AFG1L: variants seen among roughly 807,000 people sequenced by gnomAD.
AFG1L encodes AFG1-like ATPase.
Under a neutral mutation model 62.2 loss-of-function variants are expected in AFG1L, and 53 were observed. The ratio of observed to expected loss-of-function variants is 0.85; its 90% CI spans 0.68 to 1.07. AFG1L has a LOEUF of 1.07. AFG1L is among the 50% of genes least tolerant of loss of function. The pLI is 0.00. For missense variants in AFG1L, 555 were observed against 590.5 expected (o/e 0.94, Z 0.62); for synonymous variants, 228 against 210.3 (o/e 1.08, Z -0.73).
At chr6:108,388,498 TC>T (rs1780875246) in intron 6 of AFG1L, among the ~76,000 whole-genome samples, 1 of 152,232 alleles carries the variant, frequency 6.6e-6, no homozygotes, top group Non-Finnish European at 1.5e-5. Context: ...TTTCCTGCTT[TC>T]TCCTGTGGGC....
At chr6:108,442,112 C>T (rs1771578272) in intron 7 of AFG1L, among the ~76,000 whole-genome samples, 1 of 151,648 alleles carries the variant, frequency 6.6e-6, no homozygotes, top group African/African-American at 2.4e-5. Context: ...TTGACCATTG[C>T]TTACCATAGT....
At chr6:108,344,849 A>G (rs1778807255) in intron 2 of AFG1L, 3 of 469,990 alleles carry the variant, frequency 6.4e-6, no homozygotes, top group East Asian at 7.0e-5. Context: ...ATTTGGGTTG[A>G]TAATAGCATT....
chr6:108,379,000 CTTTTTTTTT>C (rs931030207), intron 6 of AFG1L, among the ~76,000 whole-genome samples: 5 of 123,066 alleles, frequency 4.1e-5, no homozygotes, highest in Non-Finnish European at 3.3e-5. Context: ...TCTCCTTCTT[CTTTTTTTTT>C]TTTTTTTTTT....
chr6:108,397,569 T>C (rs1162767675), intron 6 of AFG1L, among the ~76,000 whole-genome samples: 1 of 152,214 alleles, frequency 6.6e-6, no homozygotes, highest in South Asian at 2.1e-4. Context: ...TTTTATTCTT[T>C]CTATTTTTTT....
intron 1 of AFG1L, among the ~76,000 whole-genome samples, chr6:108,312,852 G>A (rs1442993698): frequency 1.3e-5 from 2 of 151,868 alleles, no homozygotes; most frequent in Admixed American, 1.3e-4. Context: ...GTTCACTGTG[G>A]CCTTGAACTC....
Position 108,464,845 on chromosome 6 carries a change from C to A in AFG1L, c.891-12020C>A, listed in dbSNP as rs768445716. Among the ~76,000 whole-genome samples the A allele has an allele frequency of 2.0e-5, 3 of 152,058 alleles. No individual in the cohort carries two copies. In the South Asian group the frequency reaches 6.2e-4, roughly 31 times the overall value. On this transcript the variant is annotated intron_variant, in intron 8 of 12. Coordinates refer to ENST00000368977, the MANE Select transcript of AFG1L (RefSeq NM_145315.5). ...TCTTCATCAGATATGACTTCAGTTTCTTTACTGTGATCAACGTTTGATTAT... is the reference window on the plus strand; with the variant it reads ...TCTTCATCAGATATGACTTCAGTTTATTTACTGTGATCAACGTTTGATTAT...
In AFG1L at chr6:108,355,774, G is replaced by C; in HGVS notation, c.517+19G>C. On this transcript the variant is annotated intron_variant, in intron 4 of 12. Coordinates refer to ENST00000368977, the MANE Select transcript of AFG1L (RefSeq NM_145315.5). ...CACAAAAGTAAGCAATGATCTGAAA[G>C]AAGTGATTTTTTCAGTGGGGAAACG... The C allele has an allele frequency of 6.5e-7, 1 of 1,533,756 alleles. No homozygotes were observed. The highest frequency in any genetic ancestry group is 9.0e-7 in the Non-Finnish European group (1 of 1,116,388).
intron 10 of AFG1L, among the ~76,000 whole-genome samples, chr6:108,509,366 G>T (rs1774543901): frequency 6.6e-6 from 1 of 152,154 alleles, no homozygotes; most frequent in Non-Finnish European, 1.5e-5. Flanking sequence ...TCCTACAGAG[G>T]TTAGCAGTGT....
At chr6:108,323,196 T>C (rs1777882604) in intron 1 of AFG1L, among the ~76,000 whole-genome samples, 1 of 152,158 alleles carries the variant, frequency 6.6e-6, no homozygotes, top group Non-Finnish European at 1.5e-5. Context: ...GCAACTCTCT[T>C]GCTTTGGGAA....
intron 7 of AFG1L, among the ~76,000 whole-genome samples, chr6:108,422,483 A>AAAAAAAAAAAAAAAAAG: frequency 1.4e-5 from 2 of 145,466 alleles, no homozygotes; most frequent in Admixed American, 6.8e-5. Flanking sequence ...TCAGCAAAAA[A>AAAAAAAAAAAAAAAAAG]AAAAAAAAAA....
intron 7 of AFG1L, among the ~76,000 whole-genome samples, chr6:108,439,885 T>G (rs1771466309): frequency 6.6e-6 from 1 of 152,286 alleles, no homozygotes; most frequent in East Asian, 1.9e-4. Flanking sequence ...CTCCCACCCT[T>G]AAATTGTATT....
chr6:108,499,943 C>G (rs1267277484), intron 10 of AFG1L, among the ~76,000 whole-genome samples: 1 of 152,008 alleles, frequency 6.6e-6, no homozygotes, highest in African/African-American at 2.4e-5. Context: ...CTAACCCTTG[C>G]CCCCTTTTCT....
At chr6:108,345,434 A>C (rs1040926338) in intron 2 of AFG1L, among the ~76,000 whole-genome samples, 10 of 151,990 alleles carry the variant, frequency 6.6e-5, no homozygotes, top group Admixed American at 2.0e-4. Context: ...ATCTCGATTC[A>C]CTGTAGTCTC....
chr6:108,498,696 C>T (rs1014832722), intron 10 of AFG1L, among the ~76,000 whole-genome samples: 1 of 151,966 alleles, frequency 6.6e-6, no homozygotes, highest in Non-Finnish European at 1.5e-5. Flanking sequence ...ATATATCGGC[C>T]AGGCACGGTG....
intron 7 of AFG1L, among the ~76,000 whole-genome samples, chr6:108,413,192 G>A (rs1782197326): frequency 6.6e-6 from 1 of 152,064 alleles, no homozygotes. Context: ...AATGGTAAAG[G>A]GATCAATTCA....
intron 10 of AFG1L, among the ~76,000 whole-genome samples, chr6:108,496,355 G>C (rs927802040): frequency 6.6e-6 from 1 of 152,160 alleles, no homozygotes; most frequent in Non-Finnish European, 1.5e-5. Context: ...TGGTGATAGT[G>C]TCTTTATTTA....
intron 5 of AFG1L, among the ~76,000 whole-genome samples, chr6:108,357,300 C>T (rs1244963374): frequency 1.3e-5 from 2 of 152,150 alleles, no homozygotes; most frequent in Non-Finnish European, 2.9e-5. Flanking sequence ...AGGCTGGTTT[C>T]AAACTCCTGG....
chr6:108,404,575 AT>A (rs899242710), intron 7 of AFG1L, among the ~76,000 whole-genome samples: 1 of 151,304 alleles, frequency 6.6e-6, no homozygotes, highest in African/African-American at 2.4e-5. Context: ...TTATTCTCAT[AT>A]TTTTTTTCCT....
intron 10 of AFG1L, among the ~76,000 whole-genome samples, chr6:108,487,262 G>A (rs1322184220): frequency 6.6e-6 from 1 of 152,204 alleles, no homozygotes; most frequent in Non-Finnish European, 1.5e-5. Flanking sequence ...CTACTTGGGA[G>A]GCTGGGGCAG....
Sources: allele counts gnomAD v4.1 joint callset (sites outside exome capture counted in the v4.1 genomes callset), GRCh38; gene constraint gnomAD v4.1.1; transcripts MANE v1.5; gene names NCBI Gene and HGNC (gene_info 2026-07-23, HGNC 2026-07-21).